Variants in COLEC12 observed in about 807,000 individuals in gnomAD.
COLEC12 encodes collectin-12.
A neutral mutation model predicts 71.1 loss-of-function variants in COLEC12; 33 were observed. The ratio of observed to expected loss-of-function variants is 0.46; its 90% CI spans 0.35 to 0.62. The LOEUF is 0.62. Ranked by LOEUF, COLEC12 falls within the 20% of genes least tolerant of loss-of-function variation. The pLI is 0.00. For missense variants in COLEC12, 765 were observed against 916.1 expected, an observed-to-expected ratio of 0.84 and a Z score of 2.13; for synonymous variants, 350 against 353.0, an observed-to-expected ratio of 0.99 and a Z score of 0.10.
chr18:416,930 G>T (rs1197900592), intron 2 of COLEC12, among the ~76,000 whole-genome samples: 1 of 151,918 alleles, frequency 6.6e-6, no homozygotes, highest in Non-Finnish European at 1.5e-5. Flanking sequence ...CCAGGCAGAG[G>T]GTCTAGCATG....
At chr18:438,908 G>A (rs1456699702) in intron 2 of COLEC12, among the ~76,000 whole-genome samples, 2 of 151,984 alleles carry the variant, frequency 1.3e-5, no homozygotes, top group Non-Finnish European at 2.9e-5. Flanking sequence ...GTTAGGAGAC[G>A]AGGCCATGAT....
chr18:392,563 T>C (rs186521134), intron 2 of COLEC12, among the ~76,000 whole-genome samples: 4 of 152,352 alleles, frequency 2.6e-5, no homozygotes, highest in Non-Finnish European at 5.9e-5. Context: ...TCAGATGCTA[T>C]TTGGTGAAAT....
intron 2 of COLEC12, among the ~76,000 whole-genome samples, chr18:419,028 G>A (rs1174784976): frequency 6.6e-6 from 1 of 152,168 alleles, no homozygotes; most frequent in Admixed American, 6.5e-5. Flanking sequence ...TCTGGGACAA[G>A]TCAGTTAACC....
chr18:453,981 T>C (rs1165247581), intron 2 of COLEC12, among the ~76,000 whole-genome samples: 1 of 152,210 alleles, frequency 6.6e-6, no homozygotes, highest in East Asian at 1.9e-4. Flanking sequence ...AAAGACACCA[T>C]CACCTCTGAT....
intron 4 of COLEC12, 87 bp downstream of exon 4, chr18:347,978 G>A: frequency 1.3e-6 from 1 of 795,356 alleles, no homozygotes; most frequent in Non-Finnish European, 2.1e-6. Context: ...CGGGTGAATG[G>A]GGAGTTTATA....
chr18:346,283 A>T lies in COLEC12; in HGVS notation c.1327+12T>A, dbSNP rs200734916. 6 of 1,573,302 alleles carry T rather than the reference A, an allele frequency of 3.8e-6. No individual in the cohort carries two copies. The highest frequency in any genetic ancestry group is 5.2e-6 in the Non-Finnish European group (6 of 1,157,808). ...CAACTAATACAAATACAAATTCAGA[A>T]TTTTGACTTACCTTGTAGTATTGTA... On this transcript the variant is annotated intron_variant, in intron 5 of 9. Transcript: ENST00000400256. This position sits in a 1 kb window ranked among gnomAD's most constrained non-coding sequence, Gnocchi z 4.0.
intron 2 of COLEC12, among the ~76,000 whole-genome samples, chr18:407,982 AC>A (rs778142844): frequency 1.4e-4 from 22 of 152,228 alleles, no homozygotes; most frequent in Admixed American, 4.6e-4. Flanking sequence ...GAATTGCAAA[AC>A]CCTGGGCTAG....
In COLEC12 at chr18:353,600, G is replaced by A. The variant is rs114228285; in HGVS notation, c.181+3800C>T. 3.8e-3 allele frequency among the ~76,000 whole-genome samples: 572 copies of A among 152,332 alleles called. 4 individuals carry two copies. Among genetic ancestry groups the A allele is most frequent in the African/African-American group, 0.013 (555 of 41,574 alleles). On this transcript the variant is annotated intron_variant, in intron 3 of 9. Transcript: ENST00000400256. ...CAGACATTTACCAAGTATCTGCCATGTAGGTGGCATAGTGCTAGACATTGA... is the reference window on the plus strand; with the variant it reads ...CAGACATTTACCAAGTATCTGCCATATAGGTGGCATAGTGCTAGACATTGA...
chr18:366,312 A>G (rs1341439218), intron 2 of COLEC12, among the ~76,000 whole-genome samples: 1 of 152,176 alleles, frequency 6.6e-6, no homozygotes, highest in African/African-American at 2.4e-5. Flanking sequence ...TTGAGGGAGC[A>G]TGGGAAGGAC....
At position 380,960 on chromosome 18, in the gene COLEC12, G is replaced by T. The variant is rs73356545; in HGVS notation, c.59-23438C>A. ...CTAGGCAACCGGCCCCTGATGAGTG[G>T]TTCTATCTGGAGAGCCATATATTAT... On this transcript the variant is annotated intron_variant, in intron 2 of 9. Coordinates refer to ENST00000400256, the MANE Select transcript of COLEC12 (RefSeq NM_130386.3). Among the ~76,000 whole-genome samples the T allele has an allele frequency of 1.2e-4, 18 of 152,218 alleles. No individual in the cohort carries two copies. The South Asian group carries it at 1.9e-3, about 16-fold the overall frequency.
At chr18:436,907 A>ATCT (rs1916418277) in intron 2 of COLEC12, among the ~76,000 whole-genome samples, 1 of 152,112 alleles carries the variant, frequency 6.6e-6, no homozygotes, top group South Asian at 2.1e-4. Flanking sequence ...CTCAAAAAAT[A>ATCT]TCTGTTAATT....
chr18:371,545 A>G (rs1186172541), intron 2 of COLEC12, among the ~76,000 whole-genome samples: 4 of 152,204 alleles, frequency 2.6e-5, no homozygotes, highest in Admixed American at 2.6e-4. Flanking sequence ...TTTCTGCTGC[A>G]CAGGCCTAGG....
At chr18:331,350 T>C (rs1913976166) in intron 8 of COLEC12, among the ~76,000 whole-genome samples, 1 of 152,252 alleles carries the variant, frequency 6.6e-6, no homozygotes, top group African/African-American at 2.4e-5. Context: ...CTTCATCATC[T>C]TTTCCCATAG....
intron 2 of COLEC12, among the ~76,000 whole-genome samples, chr18:440,852 T>C (rs1916505609): frequency 6.6e-6 from 1 of 152,218 alleles, no homozygotes; most frequent in Non-Finnish European, 1.5e-5. Context: ...ATAGGATACC[T>C]GAGTTTTGGA....
intron 1 of COLEC12, among the ~76,000 whole-genome samples, chr18:491,714 G>A (rs1426367598): frequency 1.3e-5 from 2 of 152,214 alleles, no homozygotes; most frequent in African/African-American, 2.4e-5. Context: ...AGAGTAATGC[G>A]TGCTGCAGGT....
At chr18:493,990 A>G (rs1157107425) in intron 1 of COLEC12, among the ~76,000 whole-genome samples, 1 of 152,210 alleles carries the variant, frequency 6.6e-6, no homozygotes, top group Non-Finnish European at 1.5e-5. Flanking sequence ...ATAGTACTAA[A>G]AAAAAAACAG....
intron 2 of COLEC12, among the ~76,000 whole-genome samples, chr18:441,908 G>C (rs923114743): frequency 6.7e-6 from 1 of 149,282 alleles, no homozygotes; most frequent in African/African-American, 2.6e-5. Flanking sequence ...GCTGAGGTGG[G>C]AGAATCACCT....
Position 335,115 on chromosome 18 carries a change from C to T in COLEC12, c.1443G>A (p.Ala481=). The stretch of plus-strand genomic sequence containing the variant: ...CTGGTCCAATTGGGCCTCTCTCACC[C>T]GCAGGGCCAGGTGGTCCAGGCTCCC... The part of the protein sequence containing the change: ...EKGEPGPPGP[A]GERGPIGPAG... The change falls in exon 6 of 10, where the codon GCG becomes GCA. Residue 481 remains alanine (A), a synonymous_variant. Transcript: ENST00000400256. 5 of 1,611,836 alleles carry T rather than the reference C, an allele frequency of 3.1e-6. No individual in the cohort carries two copies. Among genetic ancestry groups the T allele is most frequent in the Non-Finnish European group, 4.2e-6 (5 of 1,179,260 alleles).
chr18:335,029 G>A lies in COLEC12; in HGVS notation c.1529C>T (p.Ser510Phe). The change falls in exon 6 of 10, where the codon TCC becomes TTC. Residue 510 changes from serine (S) to phenylalanine (F), a missense_variant. Physicochemically the swap from Ser to Phe is radical, Grantham distance 155. Coordinates refer to ENST00000400256, the MANE Select transcript of COLEC12 (RefSeq NM_130386.3). ...GCCGGGCTTCCCAGGGGAACCACGG[G>A]AGCCTTTGGGGCCCTGGGAGCCTTT... ...GSKGSQGPKG[S>F]RGSPGKPGPQ... 6.3e-7 allele frequency: 1 copy of A among 1,592,630 alleles called. No individual in the cohort carries two copies.
Sources: gnomAD v4.1 joint callset for allele counts (sites outside exome capture counted in the v4.1 genomes callset) on GRCh38, gnomAD v4.1.1 for gene constraint, Gnocchi (gnomAD v3.1) non-coding constraint, MANE v1.5 for transcripts, NCBI Gene and HGNC (gene_info 2026-07-23, HGNC 2026-07-21) for gene names.